PLCB1: variants seen among roughly 807,000 people sequenced by gnomAD.
The protein encoded by PLCB1 is 1-phosphatidylinositol 4,5-bisphosphate phosphodiesterase beta-1.
In PLCB1, 46 loss-of-function variants were observed where a neutral mutation model predicts 161.8. The observed-to-expected ratio is 0.28, with a 90% confidence interval of 0.22 to 0.36. The LOEUF (loss-of-function observed/expected upper bound fraction) is 0.36. Among genes scored for constraint, PLCB1 ranks in the 10% least tolerant of loss-of-function variants. The pLI is 1.00. For synonymous variants in PLCB1, 517 were observed against 503.7 expected, an observed-to-expected ratio of 1.03 and a Z score of -0.35; for missense variants, 1,016 against 1,472.5, an observed-to-expected ratio of 0.69 and a Z score of 5.07.
chr20:8,139,873 C>A (rs1403480177), intron 1 of PLCB1, among the ~76,000 whole-genome samples: 1 of 152,184 alleles, frequency 6.6e-6, no homozygotes, highest in Admixed American at 6.5e-5. Flanking sequence ...TACCAGACTC[C>A]TTTTTGACGA....
At chr20:8,558,803 G>A (rs933207334) in intron 3 of PLCB1, among the ~76,000 whole-genome samples, 1 of 151,686 alleles carries the variant, frequency 6.6e-6, no homozygotes, top group South Asian at 2.1e-4. Context: ...AAAACAGGAG[G>A]AAAAAACAAC....
At chr20:8,802,891 A>C (rs1366465962) in intron 31 of PLCB1, among the ~76,000 whole-genome samples, 1 of 152,212 alleles carries the variant, frequency 6.6e-6, no homozygotes, top group Non-Finnish European at 1.5e-5. Context: ...TAATAAGAAA[A>C]CTAGCATAAG....
chr20:8,214,789 T>C (rs1448935827), intron 2 of PLCB1, among the ~76,000 whole-genome samples: 4 of 152,084 alleles, frequency 2.6e-5, no homozygotes, highest in Admixed American at 2.6e-4. Context: ...TTTGGGATGA[T>C]AGTTTTGGGG....
chr20:8,444,567 A>G (rs544008116), intron 3 of PLCB1, among the ~76,000 whole-genome samples: 4 of 152,296 alleles, frequency 2.6e-5, no homozygotes, highest in Non-Finnish European at 5.9e-5. Context: ...TATACCCAGT[A>G]ATGGGATGCC....
chr20:8,393,208 G>T (rs1987662063), intron 3 of PLCB1, among the ~76,000 whole-genome samples: 1 of 152,078 alleles, frequency 6.6e-6, no homozygotes, highest in African/African-American at 2.4e-5. Context: ...ACTGATTTCA[G>T]GTAAGAACAG....
intron 27 of PLCB1, among the ~76,000 whole-genome samples, chr20:8,782,199 C>G (rs1189077812): frequency 2.0e-5 from 3 of 151,814 alleles, no homozygotes; most frequent in Non-Finnish European, 2.9e-5. Context: ...CTTTTTTGTC[C>G]AAGACTTTCT....
At chr20:8,782,262 G>A (rs1178535879) in intron 27 of PLCB1, among the ~76,000 whole-genome samples, 2 of 152,104 alleles carry the variant, frequency 1.3e-5, no homozygotes, top group Non-Finnish European at 2.9e-5. Context: ...GGTAGACAGG[G>A]CCCTCTCTGT....
At chr20:8,694,401 A>G (rs1263416846) in intron 10 of PLCB1, among the ~76,000 whole-genome samples, 1 of 152,194 alleles carries the variant, frequency 6.6e-6, no homozygotes, top group East Asian at 1.9e-4. Flanking sequence ...TTAGGTGGAC[A>G]ATAAACTCTT....
intron 3 of PLCB1, among the ~76,000 whole-genome samples, chr20:8,427,184 T>G (rs1375714865): frequency 6.6e-6 from 1 of 152,156 alleles, no homozygotes; most frequent in African/African-American, 2.4e-5. Context: ...GTGCTGAGAT[T>G]ACACGCATGA....
At chr20:8,729,916 TTAAA>T (rs1391025243) in intron 18 of PLCB1, 10 of 151,992 alleles carry the variant, frequency 6.6e-5, no homozygotes, top group African/African-American at 2.4e-4. Context: ...AGTATTATCG[TTAAA>T]TAATAATAAT....
chr20:8,674,234 T>C (rs1990021188), intron 9 of PLCB1, among the ~76,000 whole-genome samples: 1 of 152,198 alleles, frequency 6.6e-6, no homozygotes, highest in Admixed American at 6.5e-5. Context: ...TGGAGAAATA[T>C]AAACAGCATA....
chr20:8,585,265 T>G (rs995915766), intron 3 of PLCB1, among the ~76,000 whole-genome samples: 15 of 152,168 alleles, frequency 9.9e-5, no homozygotes, highest in African/African-American at 3.6e-4. Flanking sequence ...GGTAAGACTT[T>G]CTCTGTGCAT....
intron 2 of PLCB1, among the ~76,000 whole-genome samples, chr20:8,217,310 G>A (rs550177870): frequency 4.3e-4 from 66 of 152,106 alleles, no homozygotes; most frequent in Non-Finnish European, 7.9e-4. Flanking sequence ...AGAGCCTCAG[G>A]AAATGGTAGA....
intron 3 of PLCB1, among the ~76,000 whole-genome samples, chr20:8,553,835 T>C (rs1985856868): frequency 6.6e-6 from 1 of 151,876 alleles, no homozygotes. Flanking sequence ...ACCCTGTCTC[T>C]ACTAAAAATC....
intron 31 of PLCB1, among the ~76,000 whole-genome samples, chr20:8,839,846 C>T (rs1986429885): frequency 6.6e-6 from 1 of 151,362 alleles, no homozygotes; most frequent in Admixed American, 6.6e-5. Flanking sequence ...GGCTGGCCAA[C>T]ATGGCAAAGC....
At chr20:8,766,506 T>G (rs768162803) in intron 26 of PLCB1, among the ~76,000 whole-genome samples, 13 of 152,088 alleles carry the variant, frequency 8.5e-5, no homozygotes, top group Non-Finnish European at 1.8e-4. Flanking sequence ...GCTGGCAAAG[T>G]GGGTGAAACA....
intron 31 of PLCB1, among the ~76,000 whole-genome samples, chr20:8,865,437 C>T (rs1987395011): frequency 6.6e-6 from 1 of 152,184 alleles, no homozygotes; most frequent in African/African-American, 2.4e-5. Context: ...ATTCATCATT[C>T]CCCTGACCTC....
intron 3 of PLCB1, among the ~76,000 whole-genome samples, chr20:8,487,886 T>C (rs986167470): frequency 6.6e-6 from 1 of 152,188 alleles, no homozygotes; most frequent in African/African-American, 2.4e-5. Flanking sequence ...GAGTACATTA[T>C]GTTGCATTCC....
At chr20:8,513,394 G>C (rs775181894) in intron 3 of PLCB1, among the ~76,000 whole-genome samples, 1 of 152,210 alleles carries the variant, frequency 6.6e-6, no homozygotes, top group African/African-American at 2.4e-5. Context: ...AATCTATGAA[G>C]TGACAACACG....
Sources: gnomAD v4.1 joint callset for allele counts (sites outside exome capture counted in the v4.1 genomes callset) on GRCh38, gnomAD v4.1.1 for gene constraint, MANE v1.5 for transcripts, NCBI Gene and HGNC (gene_info 2026-07-23, HGNC 2026-07-21) for gene names.